LHX6: variants seen among roughly 807,000 people sequenced by gnomAD.
LHX6 encodes the protein LIM/homeobox protein Lhx6.
LHX6 carries 15 observed loss-of-function variants against 47.1 expected under a neutral mutation model. That is an observed-to-expected ratio of 0.32 (90% CI 0.21 to 0.49). The LOEUF is 0.49. Ranked by LOEUF, LHX6 falls within the 20% of genes least tolerant of loss-of-function variation. The pLI, the probability that LHX6 is intolerant of heterozygous loss-of-function variation, is 0.99. For synonymous variants in LHX6, 242 were observed against 233.5 expected (o/e 1.04, Z -0.33); for missense variants, 404 against 539.6 (o/e 0.75, Z 2.49).
chr9:122,208,616 G>C (rs1830277252), intron 9 of LHX6, among the ~76,000 whole-genome samples: 2 of 152,078 alleles, frequency 1.3e-5, no homozygotes, highest in Admixed American at 6.6e-5. Flanking sequence ...TGGATCACCT[G>C]AGGTCAGCAG....
rs747531267 is a variant in LHX6, at chr9:122,213,884, C to T, written c.879+90G>A. On this transcript the variant is annotated intron_variant, in intron 7 of 9. Transcript: ENST00000394319. The surrounding 1 kb of genome is among the most constrained non-coding windows in gnomAD (Gnocchi z 5.5). Reference sequence around the variant, plus strand: ...CTCGTCGCCTCCTGGAGAAGGATGGCCACGTGCACGCACCACCCTCCGCGC... The same window carrying T: ...CTCGTCGCCTCCTGGAGAAGGATGGTCACGTGCACGCACCACCCTCCGCGC... 4 of 1,511,648 alleles carry T rather than the reference C, an allele frequency of 2.6e-6. No individual in the cohort carries two copies. Among genetic ancestry groups the T allele is most frequent in the East Asian group, 2.4e-5 (1 of 42,130 alleles). 93.6% of individuals were successfully genotyped at this position (1,511,648 alleles called of 1,614,324 possible).
chr9:122,213,577 C>G lies in LHX6; in HGVS notation c.1054+29G>C. On this transcript the variant is annotated intron_variant, in intron 8 of 9. Coordinates refer to ENST00000394319, the MANE Select transcript of LHX6 (RefSeq NM_014368.5). The surrounding 1 kb of genome is among the most constrained non-coding windows in gnomAD (Gnocchi z 5.5). ...CCTCCGCGCCCCCTCCCCGCAGGCC[C>G]AGCGGCTCCCGGCGCTGCGGTTACT... 6.5e-7 allele frequency: 1 copy of G among 1,529,414 alleles called. No homozygotes were observed. Among genetic ancestry groups the G allele is most frequent in the Non-Finnish European group, 8.8e-7 (1 of 1,142,620 alleles). The allele number at this position is 1,529,414 out of a possible 1,614,324, so 94.7% of individuals were successfully genotyped here.
intron 4 of LHX6, chr9:122,221,381 G>A: frequency 1.2e-5 from 12 of 985,700 alleles, no homozygotes; most frequent in Non-Finnish European, 1.4e-5. Flanking sequence ...GCGGTGGGGG[G>A]CCGCTTCCCG....
rs1356472827 is a variant in LHX6 at position 122,209,857 on chromosome 9, T to C, written c.1055-140A>G. 3 of 589,268 alleles carry C rather than the reference T, an allele frequency of 5.1e-6. No homozygotes were observed. In the East Asian group the frequency reaches 8.7e-5, roughly 17 times the overall value. 36.5% of individuals were successfully genotyped at this position (589,268 alleles called of 1,614,324 possible). A position where few individuals can be genotyped will look rare whatever the true frequency, so the allele number is the denominator to read the frequency against. The stretch of plus-strand genomic sequence containing the variant: ...CTCCTGGGTAGCCCTGGGCAAGGTT[T>C]CAGTAGGGTTGGTTGTGATGATCTT... On this transcript the variant is annotated intron_variant, in intron 8 of 9. Coordinates refer to ENST00000394319, the MANE Select transcript of LHX6 (RefSeq NM_014368.5).
chr9:122,228,278 AC>A (rs769143924), intron 1 of LHX6: 1 of 1,534,476 alleles, frequency 6.5e-7, no homozygotes, highest in South Asian at 1.2e-5. Context: ...AGGAAAAAGC[AC>A]CCTCCAGCCC....
chr9:122,224,968 T>C (rs918186537), intron 4 of LHX6, among the ~76,000 whole-genome samples: 3 of 152,170 alleles, frequency 2.0e-5, no homozygotes, highest in African/African-American at 4.8e-5. Flanking sequence ...CACACTCTTC[T>C]ACATCCATCC....
intron 4 of LHX6, among the ~76,000 whole-genome samples, chr9:122,218,206 C>T (rs2118874196): frequency 6.6e-6 from 1 of 152,162 alleles, no homozygotes; most frequent in South Asian, 2.1e-4. Context: ...TTACTCCATC[C>T]CAGAAGTCAG....
intron 4 of LHX6, chr9:122,221,570 C>A: frequency 2.0e-6 from 2 of 985,730 alleles, no homozygotes; most frequent in Non-Finnish European, 2.4e-6. Flanking sequence ...TGAACCCCCA[C>A]CCCCATAAAC....
At chr9:122,225,579 GGGCT>G (rs1320754510) in intron 4 of LHX6, among the ~76,000 whole-genome samples, 4 of 152,262 alleles carry the variant, frequency 2.6e-5, no homozygotes, top group Non-Finnish European at 4.4e-5. Context: ...ATCCCACTCA[GGGCT>G]CCGGGTGCCC....
chr9:122,225,243 G>A (rs115454574), intron 4 of LHX6, among the ~76,000 whole-genome samples: 2,211 of 152,324 alleles, frequency 0.015, 64 homozygotes, highest in African/African-American at 0.051. Flanking sequence ...GGGTTGGAGG[G>A]TAGTTATAGG....
chr9:122,209,823 G>A, intron 8 of LHX6, 106 bp from the exon 9 acceptor site: 3 of 608,486 alleles, frequency 4.9e-6, no homozygotes, highest in Non-Finnish European at 8.9e-6. Context: ...TTTCATCTCT[G>A]CCACTTACCT....
intron 9 of LHX6, among the ~76,000 whole-genome samples, chr9:122,204,994 A>C (rs939556170): frequency 1.3e-5 from 2 of 152,124 alleles, no homozygotes; most frequent in African/African-American, 4.8e-5. Flanking sequence ...AGGATGACAA[A>C]ATCTCTCTCT....
chr9:122,219,075 T>C (rs1367229091), intron 4 of LHX6, among the ~76,000 whole-genome samples: 1 of 152,154 alleles, frequency 6.6e-6, no homozygotes, highest in East Asian at 1.9e-4. Context: ...GCATTCGGAA[T>C]CGCTTGTGTG....
rs1403124555 is a variant in LHX6 at position 122,213,225 on chromosome 9, A to C, written c.1054+381T>G. Reference sequence around the variant, plus strand: ...TCCTACCCAGCACCTTTCCTACAGGAATCATCCCACTTAAAACGACACACT... The same window carrying C: ...TCCTACCCAGCACCTTTCCTACAGGCATCATCCCACTTAAAACGACACACT... On this transcript the variant is annotated intron_variant, in intron 8 of 9. Transcript: ENST00000394319. This position sits in a 1 kb window ranked among gnomAD's most constrained non-coding sequence, Gnocchi z 5.5. Among the ~76,000 whole-genome samples the C allele has an allele frequency of 6.6e-6, 1 of 151,962 alleles. No individual in the cohort carries two copies. The highest frequency in any genetic ancestry group is 2.4e-5 in the African/African-American group (1 of 41,356).
intron 8 of LHX6, among the ~76,000 whole-genome samples, chr9:122,210,128 C>T (rs1379082905): frequency 1.3e-5 from 2 of 152,130 alleles, no homozygotes; most frequent in Non-Finnish European, 2.9e-5. Context: ...CCGTGTTAGC[C>T]AGGACGGTCT....
rs753968166 is a variant in LHX6 at position 122,226,343 on chromosome 9, G to C, written c.461+33C>G. 4 of 1,595,894 alleles carry C rather than the reference G, an allele frequency of 2.5e-6. No homozygotes were observed. The highest frequency in any genetic ancestry group is 3.4e-6 in the Non-Finnish European group (4 of 1,169,788). The stretch of plus-strand genomic sequence containing the variant: ...CCGAATGCGCCCGGGGCCTGCCCTC[G>C]GCGACACTGCTGGCTCGGCGGCCGC... On this transcript the variant is annotated intron_variant, in intron 4 of 9. Coordinates refer to ENST00000394319, the MANE Select transcript of LHX6 (RefSeq NM_014368.5). The surrounding 1 kb of genome is among the most constrained non-coding windows in gnomAD (Gnocchi z 6.5).
In LHX6 at chr9:122,204,872, T is replaced by C; in HGVS notation, c.1159-92A>G. ...ACCTCAAAGGCACAGAGAAGAAGGG[T>C]GGACTCAGGGCCCAGATCTGAGTTT... On this transcript the variant is annotated intron_variant, in intron 9 of 9. Coordinates refer to ENST00000394319, the MANE Select transcript of LHX6 (RefSeq NM_014368.5). The C allele has an allele frequency of 5.9e-6, 5 of 846,580 alleles. No individual in the cohort carries two copies. In the South Asian group the frequency reaches 1.1e-4, roughly 19 times the overall value. The allele number at this position is 846,580 out of a possible 1,614,324, so 52.4% of individuals were successfully genotyped here. A position where few individuals can be genotyped will look rare whatever the true frequency, so the allele number is the denominator to read the frequency against.
At chr9:122,210,424 T>C (rs1800504532) in intron 8 of LHX6, among the ~76,000 whole-genome samples, 1 of 152,228 alleles carries the variant, frequency 6.6e-6, no homozygotes, top group Non-Finnish European at 1.5e-5. Flanking sequence ...GGTATCACCA[T>C]GACTTTACCC....
chr9:122,208,389 T>C (rs1429440863), intron 9 of LHX6, among the ~76,000 whole-genome samples: 3 of 152,190 alleles, frequency 2.0e-5, no homozygotes, highest in East Asian at 3.9e-4. Flanking sequence ...ATTGTAACTG[T>C]TGGGATCTGC....
Sources: allele counts gnomAD v4.1 joint callset (sites outside exome capture counted in the v4.1 genomes callset), GRCh38; gene constraint gnomAD v4.1.1; non-coding constraint Gnocchi (gnomAD v3.1); transcripts MANE v1.5; gene names NCBI Gene and HGNC (gene_info 2026-07-23, HGNC 2026-07-21).